The following CERT1 variants were observed in gnomAD, a reference collection of about 807,000 sequenced individuals.
CERT1 encodes ceramide transfer protein.
CERT1 carries 31 observed loss-of-function variants against 87.9 expected under a neutral mutation model. The observed-to-expected ratio is 0.35, with a 90% CI of 0.27 to 0.48. The LOEUF (loss-of-function observed/expected upper bound fraction) is 0.48. Among genes scored for constraint, CERT1 ranks in the 20% least tolerant of loss-of-function variants. The pLI is 0.99. For synonymous variants in CERT1, 289 were observed against 250.9 expected, an observed-to-expected ratio of 1.15 and a Z score of -1.44; for missense variants, 487 against 758.0, an observed-to-expected ratio of 0.64 and a Z score of 4.20.
chr5:75,416,980 C>T lies in CERT1; in HGVS notation c.733G>A (p.Ala245Thr). ...GCAGTAGTTGCTTTAAAAGTTATCG[C>T]TTCCCCTTTAAAGTCTATACCATTA... Reference protein sequence around the residue: ...GINGIDFKGEAITFKATTAGI... With the variant: ...GINGIDFKGETITFKATTAGI... Residue 245 changes from alanine (A) to threonine (T), a missense_variant, in exon 7 of 17, where the codon GCG (alanine) becomes ACG (threonine). Coordinates refer to ENST00000643780, the MANE Select transcript of CERT1 (RefSeq NM_001379029.1). 1 of 1,612,084 alleles carries T rather than the reference C, an allele frequency of 6.2e-7. No homozygotes were observed. Among genetic ancestry groups the T allele is most frequent in the East Asian group, 2.2e-5 (1 of 44,810 alleles).
At chr5:75,480,623 GCTCT>G (rs1210318108) in intron 2 of CERT1, among the ~76,000 whole-genome samples, 4 of 152,156 alleles carry the variant, frequency 2.6e-5, no homozygotes, top group Admixed American at 6.5e-5. Context: ...TTACTCAGTT[GCTCT>G]CTCTATTATC....
At chr5:75,396,690 T>C (rs537654760) in intron 11 of CERT1, among the ~76,000 whole-genome samples, 108 of 148,706 alleles carry the variant, frequency 7.3e-4, no homozygotes, top group African/African-American at 2.6e-3. Context: ...GATCGTACCA[T>C]TGCACTCCAG....
chr5:75,488,938 C>A (rs987643051), intron 2 of CERT1, among the ~76,000 whole-genome samples: 9 of 152,004 alleles, frequency 5.9e-5, no homozygotes, highest in African/African-American at 2.2e-4. Flanking sequence ...CCCATATAGC[C>A]AAGACAATCC....
Position 75,417,306 on chromosome 5 carries a change from G to A in CERT1, c.680-273C>T, listed in dbSNP as rs997844715. ...CACCCAATTAATCAAATGGTAGGAG[G>A]AGCAATACTTTAACAATAACATTCT... On this transcript the variant is annotated intron_variant, in intron 6 of 16. Coordinates refer to ENST00000643780, the MANE Select transcript of CERT1 (RefSeq NM_001379029.1). Among the ~76,000 whole-genome samples, 9 of 152,092 alleles carry A rather than the reference G, an allele frequency of 5.9e-5. No homozygotes were observed. The South Asian group carries it at 1.7e-3, about 28-fold the overall frequency.
intron 14 of CERT1, among the ~76,000 whole-genome samples, chr5:75,383,946 A>T (rs770127328): frequency 2.0e-5 from 3 of 152,210 alleles, no homozygotes; most frequent in Non-Finnish European, 4.4e-5. Flanking sequence ...AGAAGAAATA[A>T]GGTGAAAGGG....
At chr5:75,494,785 TGTC>T (rs1485842395) in intron 2 of CERT1, among the ~76,000 whole-genome samples, 2 of 152,248 alleles carry the variant, frequency 1.3e-5, no homozygotes, top group Admixed American at 6.5e-5. Context: ...TCTACAATGC[TGTC>T]TTCTGTAGTT....
chr5:75,473,992 A>G (rs1228863048), intron 2 of CERT1, among the ~76,000 whole-genome samples: 2 of 152,238 alleles, frequency 1.3e-5, no homozygotes, highest in Admixed American at 1.3e-4. Flanking sequence ...GTTCTAAGAA[A>G]AAACAACAGG....
chr5:75,381,966 C>T lies in CERT1; in HGVS notation c.1600G>A (p.Asp534Asn). 1 of 1,613,288 alleles carries T rather than the reference C, an allele frequency of 6.2e-7. No homozygotes were observed. The highest frequency in any genetic ancestry group is 8.5e-7 in the Non-Finnish European group (1 of 1,179,702). The stretch of plus-strand genomic sequence containing the variant: ...GTACTTACAGGAGCACTGTCATGAT[C>T]CACAGAAAAATTACAAACTATCCAA... ...ETWIVCNFSV[D>N]HDSAPLNNRC... The change falls in exon 15 of 17, where the codon GAT becomes AAT. Residue 534 changes from aspartate (D) to asparagine (N), a missense_variant. Asp to Asn is a conservative substitution (Grantham distance 23, BLOSUM62 1). This residue lies in a region of CERT1 where 147 missense variants were observed against 200.8 expected (regional missense o/e 0.73). Coordinates refer to ENST00000643780, the MANE Select transcript of CERT1 (RefSeq NM_001379029.1).
intron 8 of CERT1, among the ~76,000 whole-genome samples, chr5:75,406,744 C>T (rs1762721286): frequency 6.6e-6 from 1 of 152,042 alleles, no homozygotes; most frequent in African/African-American, 2.4e-5. Flanking sequence ...GGCGTTTCAC[C>T]ATGTTGGCCA....
At chr5:75,380,962 T>A (rs1219001043) in intron 16 of CERT1, 110 bp downstream of exon 16, 31 of 1,135,844 alleles carry the variant, frequency 2.7e-5, no homozygotes, top group Non-Finnish European at 3.3e-5. Flanking sequence ...AATTAAAAAT[T>A]AGTAATCTAA....
At chr5:75,447,505 C>T (rs566155290) in intron 3 of CERT1, among the ~76,000 whole-genome samples, 4 of 149,874 alleles carry the variant, frequency 2.7e-5, no homozygotes, top group Non-Finnish European at 5.9e-5. Context: ...GAGTTTCGCT[C>T]TGTTGCCCAG....
At chr5:75,398,360 T>C (rs1031638781) in intron 11 of CERT1, among the ~76,000 whole-genome samples, 4 of 152,082 alleles carry the variant, frequency 2.6e-5, no homozygotes, top group African/African-American at 9.7e-5. Context: ...TATGTTATAA[T>C]AGCAATACAA....
intron 3 of CERT1, among the ~76,000 whole-genome samples, chr5:75,446,353 A>C (rs1298825362): frequency 6.6e-6 from 1 of 151,932 alleles, no homozygotes; most frequent in African/African-American, 2.4e-5. Flanking sequence ...ATTTCTTTTC[A>C]GGTTTTCTAT....
At chr5:75,483,034 AAACT>A (rs1561294686) in intron 2 of CERT1, among the ~76,000 whole-genome samples, 2 of 152,314 alleles carry the variant, frequency 1.3e-5, no homozygotes, top group South Asian at 2.1e-4. Context: ...CTCACCAAAC[AAACT>A]AAGTAAGGCA....
At position 75,447,059 on chromosome 5, in the gene CERT1, A is replaced by G. The variant is rs563134568; in HGVS notation, c.348+12006T>C. On this transcript the variant is annotated intron_variant, in intron 3 of 16. Transcript: ENST00000643780. ...ATCTTTTGTGCTCACTCTGGCTCCCACAAGTGTATGGATTGCTCTAGGAAC... is the reference window on the plus strand; with the variant it reads ...ATCTTTTGTGCTCACTCTGGCTCCCGCAAGTGTATGGATTGCTCTAGGAAC... 9.2e-5 allele frequency among the ~76,000 whole-genome samples: 14 copies of G among 152,318 alleles called. 1 individual carries two copies. Among genetic ancestry groups the G allele is most frequent in the Admixed American group, 3.9e-4 (6 of 15,304 alleles).
intron 2 of CERT1, among the ~76,000 whole-genome samples, chr5:75,497,020 G>A (rs1767100355): frequency 6.6e-6 from 1 of 151,860 alleles, no homozygotes; most frequent in South Asian, 2.1e-4. Context: ...CCAAAAAAAG[G>A]TAGGAAACAA....
chr5:75,370,582 T>C (rs1181747192), intron 17 of CERT1: 1 of 152,118 alleles, frequency 6.6e-6, no homozygotes, highest in Non-Finnish European at 1.5e-5. Context: ...GTATGTGTAA[T>C]ACATATGACA....
chr5:75,486,877 G>A (rs1234451888), intron 2 of CERT1, among the ~76,000 whole-genome samples: 2 of 152,090 alleles, frequency 1.3e-5, no homozygotes, highest in Non-Finnish European at 2.9e-5. Flanking sequence ...TGGACTGGAA[G>A]AATCAATATT....
chr5:75,443,324 AAT>A (rs1422794966), intron 3 of CERT1, among the ~76,000 whole-genome samples: 1 of 152,122 alleles, frequency 6.6e-6, no homozygotes, highest in Non-Finnish European at 1.5e-5. Context: ...CTTGTTTACT[AAT>A]ATAAGTGTTT....
Sources: gnomAD v4.1 joint callset for allele counts (sites outside exome capture counted in the v4.1 genomes callset) on GRCh38, gnomAD v4.1.1 for gene constraint, gnomAD v4.1.1 regional missense constraint, MANE v1.5 for transcripts, NCBI Gene and HGNC (gene_info 2026-07-23, HGNC 2026-07-21) for gene names.